The following ACP3 variants were observed in gnomAD, a reference collection of about 807,000 sequenced individuals.
ACP3 encodes the protein prostatic acid phosphatase.
ACP3 carries 38 observed loss-of-function variants against 45.6 expected under a neutral mutation model. That is an observed-to-expected ratio of 0.83 (90% CI 0.64 to 1.09). The LOEUF is 1.09. Ranked by LOEUF, ACP3 falls within the 50% of genes least tolerant of loss-of-function variation. The probability of loss-of-function intolerance (pLI) is 0.00; values close to 1 mark genes in which losing one functional copy is unlikely to be tolerated. For missense variants in ACP3, 466 were observed against 463.2 expected (o/e 1.01, Z -0.05); for synonymous variants, 162 against 164.7 (o/e 0.98, Z 0.13).
At chr3:132,335,793 A>G (rs1389355133) in intron 4 of ACP3, among the ~76,000 whole-genome samples, 2 of 152,154 alleles carry the variant, frequency 1.3e-5, no homozygotes, top group African/African-American at 4.8e-5. Flanking sequence ...GACAAGGGAC[A>G]GTAATAGGAA....
At chr3:132,350,047 T>G (rs949680666) in intron 8 of ACP3, 45 bp downstream of exon 8, 12 of 1,346,912 alleles carry the variant, frequency 8.9e-6, no homozygotes, top group Non-Finnish European at 1.2e-5. Flanking sequence ...TTCAAGTGTG[T>G]GATCTCTTGA....
At chr3:132,351,317 G>T (rs892323983) in intron 8 of ACP3, among the ~76,000 whole-genome samples, 1 of 152,178 alleles carries the variant, frequency 6.6e-6, no homozygotes, top group South Asian at 2.1e-4. Context: ...AGTCTGAGAC[G>T]CCAAGGAGAG....
At chr3:132,339,043 C>T (rs531160584) in intron 5 of ACP3, among the ~76,000 whole-genome samples, 2 of 152,206 alleles carry the variant, frequency 1.3e-5, no homozygotes, top group Admixed American at 1.3e-4. Context: ...CTTCACCTTC[C>T]AAGAGGCCCC....
intron 1 of ACP3, among the ~76,000 whole-genome samples, chr3:132,324,463 G>A (rs1268986091): frequency 6.6e-6 from 1 of 152,014 alleles, no homozygotes; most frequent in East Asian, 1.9e-4. Flanking sequence ...ACTATCATGA[G>A]AATTAGGAGA....
At chr3:132,337,577 T>C (rs1937512594) in intron 5 of ACP3, 23 bp downstream of exon 5, 1 of 1,492,316 alleles carries the variant, frequency 6.7e-7, no homozygotes, top group Non-Finnish European at 9.3e-7. Flanking sequence ...TTTTGTTTAG[T>C]GGTACTTGTT....
chr3:132,342,696 T>C (rs1267553217), intron 6 of ACP3, 52 bp downstream of exon 6: 2 of 1,130,726 alleles, frequency 1.8e-6, no homozygotes, highest in Non-Finnish European at 2.6e-6. Context: ...TTATGATTTA[T>C]GCTTATTTTG....
chr3:132,339,882 C>A (rs1215508656), intron 5 of ACP3, among the ~76,000 whole-genome samples: 1 of 152,188 alleles, frequency 6.6e-6, no homozygotes, highest in Non-Finnish European at 1.5e-5. Context: ...CTAATCCCGG[C>A]CTTGGCTTTC....
intron 1 of ACP3, among the ~76,000 whole-genome samples, chr3:132,321,119 C>G (rs941752915): frequency 2.0e-5 from 3 of 152,042 alleles, no homozygotes; most frequent in African/African-American, 7.2e-5. Flanking sequence ...GAGCTAGGAT[C>G]ACACCATTGC....
chr3:132,347,809 T>G (rs1937629483), intron 7 of ACP3, among the ~76,000 whole-genome samples: 1 of 148,648 alleles, frequency 6.7e-6, no homozygotes, highest in Non-Finnish European at 1.5e-5. Flanking sequence ...TCATTTAACT[T>G]CAGGGGTGAC....
chr3:132,323,985 A>G (rs544640921), intron 1 of ACP3, among the ~76,000 whole-genome samples: 1 of 152,366 alleles, frequency 6.6e-6, no homozygotes, highest in South Asian at 2.1e-4. Flanking sequence ...TGGGAGGCCA[A>G]GGCGAGTGGA....
At chr3:132,351,186 T>C (rs990268729) in intron 8 of ACP3, among the ~76,000 whole-genome samples, 2 of 151,676 alleles carry the variant, frequency 1.3e-5, no homozygotes, top group Non-Finnish European at 2.9e-5. Flanking sequence ...GCAAAGAGAA[T>C]AGAAGGAGGA....
At chr3:132,333,747 A>G (rs1937441844) in intron 4 of ACP3, among the ~76,000 whole-genome samples, 1 of 152,208 alleles carries the variant, frequency 6.6e-6, no homozygotes, top group African/African-American at 2.4e-5. Flanking sequence ...AAAAAGAAAA[A>G]AAATCACTTT....
At chr3:132,346,847 A>G (rs1937615234) in intron 7 of ACP3, among the ~76,000 whole-genome samples, 1 of 152,140 alleles carries the variant, frequency 6.6e-6, no homozygotes, top group African/African-American at 2.4e-5. Context: ...GGCATCAACT[A>G]CCACCTGGCT....
At chr3:132,328,594 G>A (rs548398911) in intron 2 of ACP3, among the ~76,000 whole-genome samples, 32 of 149,244 alleles carry the variant, frequency 2.1e-4, no homozygotes, top group African/African-American at 7.4e-4. Context: ...TAGGAGAATC[G>A]CTTGAACCTG....
chr3:132,324,984 C>T (rs1259312901), intron 1 of ACP3, among the ~76,000 whole-genome samples: 1 of 152,136 alleles, frequency 6.6e-6, no homozygotes, highest in Admixed American at 6.6e-5. Context: ...ACAATTACCA[C>T]TACTACTGCA....
chr3:132,358,431 G>T lies in ACP3; in HGVS notation c.*1553G>T. 7.9e-7 allele frequency: 1 copy of T among 1,272,408 alleles called. No homozygotes were observed. The allele number at this position is 1,272,408 out of a possible 1,614,324, so 78.8% of individuals were successfully genotyped here. ...CAAACTTACAGGTCCTGCTGAAACT[G>T]CCCACTCTGCAAGAAGAAATCATGA... On this transcript the variant is annotated 3_prime_UTR_variant, in exon 10 of 10. Transcript: ENST00000336375.
chr3:132,362,329 T>G (rs66497351), downstream of ACP3, among the ~76,000 whole-genome samples: 32,075 of 152,136 alleles, frequency 0.21, 3,785 homozygotes, highest in East Asian at 0.55. Context: ...TTCATTCCAC[T>G]GTGTCTTGTG....
intron 3 of ACP3, 80 bp from the exon 4 acceptor site, chr3:132,332,112 C>T (rs1937409178): frequency 1.9e-5 from 29 of 1,517,380 alleles, no homozygotes; most frequent in Non-Finnish European, 2.6e-5. Flanking sequence ...CCTTTCCTTT[C>T]TCTAATACCT....
At chr3:132,359,322 C>T (rs1350847882), downstream of ACP3, among the ~76,000 whole-genome samples, 1 of 152,106 alleles carries the variant, frequency 6.6e-6, no homozygotes, top group Non-Finnish European at 1.5e-5. Flanking sequence ...ACCATCCTGG[C>T]TAACACGGTG....
Sources: allele counts gnomAD v4.1 joint callset (sites outside exome capture counted in the v4.1 genomes callset), GRCh38; gene constraint gnomAD v4.1.1; transcripts MANE v1.5; gene names NCBI Gene and HGNC (gene_info 2026-07-23, HGNC 2026-07-21).